UBAP2L: variants seen among roughly 807,000 people sequenced by gnomAD.
The protein encoded by UBAP2L is ubiquitin associated protein 2 like.
Under a neutral mutation model 130.6 loss-of-function variants are expected in UBAP2L, and 12 were observed. The ratio of observed to expected loss-of-function variants is 0.09; its 90% CI spans 0.06 to 0.15. The LOEUF is 0.15. UBAP2L is among the 10% of genes least tolerant of loss of function. The pLI, the probability that UBAP2L is intolerant of heterozygous loss-of-function variation, is 1.00. For missense variants in UBAP2L, 965 were observed against 1,332.5 expected (o/e 0.72, Z 4.29); for synonymous variants, 503 against 524.7 (o/e 0.96, Z 0.57).
In UBAP2L at chr1:154,243,320, T is replaced by C. The variant is rs1467102142; in HGVS notation, c.842+18T>C. 1 of 1,607,352 alleles carries C rather than the reference T, an allele frequency of 6.2e-7. No homozygotes were observed. The highest frequency in any genetic ancestry group is 8.5e-7 in the Non-Finnish European group (1 of 1,175,106). On this transcript the variant is annotated intron_variant, in intron 10 of 26. Transcript: ENST00000428931. Reference sequence around the variant, plus strand: ...GGTCAGAGGCAAGTGTGCAGTAAAATTTAGTACCATTTCTTAAACACATCT... The same window carrying C: ...GGTCAGAGGCAAGTGTGCAGTAAAACTTAGTACCATTTCTTAAACACATCT...
Position 154,260,956 on chromosome 1 carries a change from A to G in UBAP2L, c.2643A>G (p.Gln881=), listed in dbSNP as rs1446976815. 2 of 1,614,082 alleles carry G rather than the reference A, an allele frequency of 1.2e-6. No individual in the cohort carries two copies. The highest frequency in any genetic ancestry group is 8.5e-7 in the Non-Finnish European group (1 of 1,180,010). Residue 881 remains glutamine (Q), a synonymous_variant, in exon 23 of 27, where the codon CAA becomes CAG. Transcript: ENST00000428931. ...SSPAPATTLA[Q]PQQNQTQTHH... ...CAGCCCCGGCCACAACCTTGGCCCAACCCCAACAGAACCAGACGCAGACTC... is the reference window on the plus strand; with the variant it reads ...CAGCCCCGGCCACAACCTTGGCCCAGCCCCAACAGAACCAGACGCAGACTC...
chr1:154,270,261 C>G lies in UBAP2L; in HGVS notation c.3230C>G (p.Ser1077Cys). The change falls in exon 27 of 27, where the codon TCT (serine) becomes TGT (cysteine). Residue 1077 changes from serine to cysteine, a missense_variant. By Grantham distance (112) the Ser-to-Cys change is moderately radical. This residue lies in a region of UBAP2L where 194 missense variants were observed against 334.0 expected (regional missense o/e 0.58). Coordinates refer to ENST00000428931, the MANE Select transcript of UBAP2L (RefSeq NM_014847.4). ...SIPQKPQTNKSAYNSYSWGAN is the reference protein window; with the variant it reads ...SIPQKPQTNKCAYNSYSWGAN The stretch of plus-strand genomic sequence containing the variant: ...CCGCAGAAGCCCCAGACCAACAAGT[C>G]TGCCTACAACAGCTACAGCTGGGGG... 6.2e-7 allele frequency: 1 copy of G among 1,613,686 alleles called. No homozygotes were observed. The highest frequency in any genetic ancestry group is 8.5e-7 in the Non-Finnish European group (1 of 1,179,824).
intron 26 of UBAP2L, chr1:154,269,381 T>C (rs1298359392): frequency 2.3e-6 from 3 of 1,315,896 alleles, no homozygotes; most frequent in Admixed American, 2.3e-5. Context: ...TTGCAGATGA[T>C]TCTCTGTTGC....
At chr1:154,245,951 CATTAA>C (rs776510479) in intron 10 of UBAP2L, among the ~76,000 whole-genome samples, 3 of 152,130 alleles carry the variant, frequency 2.0e-5, no homozygotes, top group African/African-American at 4.8e-5. Context: ...TTTGATATTT[CATTAA>C]ATTAATAACT....
intron 24 of UBAP2L, chr1:154,262,964 TTCTAGAAA>T: frequency 1.3e-6 from 1 of 790,242 alleles, no homozygotes; most frequent in Non-Finnish European, 1.9e-6. Context: ...GCATACCTGA[TTCTAGAAA>T]TCCCACCTTC....
chr1:154,257,020 A>C, intron 18 of UBAP2L, 43 bp from the exon 19 acceptor site: 1 of 1,586,654 alleles, frequency 6.3e-7, no homozygotes, highest in Non-Finnish European at 8.6e-7. Context: ...TATGATGCTG[A>C]TCTCTTTTCT....
At chr1:154,238,170 C>T (rs555138554) in intron 8 of UBAP2L, among the ~76,000 whole-genome samples, 3 of 152,274 alleles carry the variant, frequency 2.0e-5, no homozygotes, top group Admixed American at 6.5e-5. Context: ...CTCTGAATGT[C>T]GTCTGCTTTT....
At chr1:154,255,805 TC>T in intron 18 of UBAP2L, 50 bp downstream of exon 18, 1 of 1,595,476 alleles carries the variant, frequency 6.3e-7, no homozygotes, top group Non-Finnish European at 8.6e-7. Context: ...CTTAGAACTG[TC>T]CAACTGTAAG....
At chr1:154,246,577 T>C (rs1470543224) in intron 11 of UBAP2L, among the ~76,000 whole-genome samples, 2 of 152,228 alleles carry the variant, frequency 1.3e-5, no homozygotes, top group Non-Finnish European at 2.9e-5. Flanking sequence ...AGACTGAATA[T>C]TCTTATAAGA....
At chr1:154,260,795 G>T in intron 22 of UBAP2L, 97 bp from the exon 23 acceptor site, 1 of 1,219,478 alleles carries the variant, frequency 8.2e-7, no homozygotes, top group Non-Finnish European at 1.2e-6. Context: ...AATAGTCTTT[G>T]AACAGGATCT....
intron 16 of UBAP2L, 62 bp downstream of exon 16, chr1:154,254,952 A>G: frequency 6.4e-7 from 1 of 1,552,822 alleles, no homozygotes; most frequent in African/African-American, 1.4e-5. Context: ...AAATGGTGAT[A>G]ATCCATTAGT....
chr1:154,241,822 A>G, intron 9 of UBAP2L: 1 of 977,102 alleles, frequency 1.0e-6, no homozygotes. Flanking sequence ...TGATTGTCGG[A>G]TTTATCCCAG....
chr1:154,233,306 C>T (rs919820824), intron 4 of UBAP2L, among the ~76,000 whole-genome samples: 1 of 151,782 alleles, frequency 6.6e-6, no homozygotes, highest in East Asian at 1.9e-4. Context: ...TGAGTCACCG[C>T]GCCTGGCCCT....
At chr1:154,255,661 G>A in intron 17 of UBAP2L, 22 bp from the exon 18 acceptor site, 5 of 1,613,542 alleles carry the variant, frequency 3.1e-6, no homozygotes, top group Non-Finnish European at 4.2e-6. Flanking sequence ...ATGGCTGATG[G>A]CAGCCTCTTT....
At chr1:154,263,020 C>T in intron 24 of UBAP2L, 1 of 1,328,066 alleles carries the variant, frequency 7.5e-7, no homozygotes, top group South Asian at 1.4e-5. Flanking sequence ...ATTATATCAG[C>T]CCTTGAGAAC....
intron 14 of UBAP2L, among the ~76,000 whole-genome samples, chr1:154,253,048 G>A (rs1468504638): frequency 2.0e-5 from 3 of 151,990 alleles, no homozygotes; most frequent in Non-Finnish European, 4.4e-5. Context: ...TTGTCACACA[G>A]GCTGGAGTGC....
chr1:154,264,317 T>C (rs1187648970), intron 24 of UBAP2L, among the ~76,000 whole-genome samples: 2 of 152,142 alleles, frequency 1.3e-5, no homozygotes, highest in African/African-American at 4.8e-5. Context: ...GAGAGATAGA[T>C]TCATGTGTCT....
Position 154,236,415 on chromosome 1 carries a change from T to C in UBAP2L, c.545-151T>C, listed in dbSNP as rs1671693098. Reference sequence around the variant, plus strand: ...GGTTTTGCTCTATTGCCTAGGCTGGTCTCGAACTTCTGGATGCAACCAATC... The same window carrying C: ...GGTTTTGCTCTATTGCCTAGGCTGGCCTCGAACTTCTGGATGCAACCAATC... On this transcript the variant is annotated intron_variant, in intron 6 of 26. Coordinates refer to ENST00000428931, the MANE Select transcript of UBAP2L (RefSeq NM_014847.4). The C allele has an allele frequency of 4.0e-6, 3 of 758,506 alleles. No individual in the cohort carries two copies. The African/African-American group carries it at 5.3e-5, about 13-fold the overall frequency. The allele number at this position is 758,506 out of a possible 1,614,324, so 47.0% of individuals were successfully genotyped here.
At chr1:154,239,996 G>A (rs1672979056) in intron 8 of UBAP2L, among the ~76,000 whole-genome samples, 1 of 152,174 alleles carries the variant, frequency 6.6e-6, no homozygotes, top group Non-Finnish European at 1.5e-5. Flanking sequence ...TAAGAAAGAA[G>A]ATTTTTGCAT....
Sources: gnomAD v4.1 joint callset for allele counts (sites outside exome capture counted in the v4.1 genomes callset) on GRCh38, gnomAD v4.1.1 for gene constraint, gnomAD v4.1.1 regional missense constraint, MANE v1.5 for transcripts, NCBI Gene and HGNC (gene_info 2026-07-23, HGNC 2026-07-21) for gene names.